The following SLC4A4 variants were observed in gnomAD, a reference collection of about 807,000 sequenced individuals.
The protein encoded by SLC4A4 is solute carrier family 4 member 4.
Under a neutral mutation model 111.5 loss-of-function variants are expected in SLC4A4, and 27 were observed. The observed-to-expected ratio is 0.24, with a 90% confidence interval of 0.18 to 0.33. The LOEUF (loss-of-function observed/expected upper bound fraction) is 0.33. Ranked by LOEUF, SLC4A4 falls within the 10% of genes least tolerant of loss-of-function variation. SLC4A4 has a pLI of 1.00. For synonymous variants in SLC4A4, 443 were observed against 463.4 expected (o/e 0.96, Z 0.57); for missense variants, 909 against 1,315.5 (o/e 0.69, Z 4.78).
chr4:71,426,032 T>C (rs1201717730), intron 7 of SLC4A4, among the ~76,000 whole-genome samples: 2 of 152,112 alleles, frequency 1.3e-5, no homozygotes, highest in Non-Finnish European at 2.9e-5. Context: ...ATCAAAGGAA[T>C]ATATTTTAGG....
intron 2 of SLC4A4, among the ~76,000 whole-genome samples, chr4:71,132,300 T>C (rs572596625): frequency 2.6e-5 from 4 of 152,206 alleles, no homozygotes; most frequent in Admixed American, 6.5e-5. Flanking sequence ...TCCAGACACA[T>C]GTTGACGGGG....
chr4:71,171,159 GTTTTT>G (rs77494120), intron 2 of SLC4A4, among the ~76,000 whole-genome samples: 7 of 148,368 alleles, frequency 4.7e-5, no homozygotes, highest in South Asian at 2.1e-4. Flanking sequence ...TGTTTGTTTT[GTTTTT>G]TTTTTTTTTT....
intron 3 of SLC4A4, among the ~76,000 whole-genome samples, chr4:71,293,748 G>C (rs1724566521): frequency 6.6e-6 from 1 of 152,178 alleles, no homozygotes; most frequent in Admixed American, 6.5e-5. Flanking sequence ...GGTCCAGTTA[G>C]ATAATTCTTT....
intron 1 of SLC4A4, among the ~76,000 whole-genome samples, chr4:71,069,213 T>C (rs1328143815): frequency 6.6e-6 from 1 of 152,240 alleles, no homozygotes; most frequent in African/African-American, 2.4e-5. Flanking sequence ...TGACCAATTC[T>C]GGCTAATGAG....
rs1725951174 is a variant in SLC4A4 at position 71,453,506 on chromosome 4, G to C, written c.1334G>C (p.Gly445Ala). 3.1e-6 allele frequency: 5 copies of C among 1,613,742 alleles called. No individual in the cohort carries two copies. The highest frequency in any genetic ancestry group is 4.2e-6 in the Non-Finnish European group (5 of 1,179,838). ...TTCTCTCTGCCCAGGTTCTGTGGTG[G>C]ACTAATTAAAGACATAAAGAGGAAA... ...ELQRTGRFCGGLIKDIKRKAP... is the reference protein window; with the variant it reads ...ELQRTGRFCGALIKDIKRKAP... The change falls in exon 12 of 26, where the codon GGA (glycine) becomes GCA (alanine). Residue 445 changes from glycine to alanine, a missense_variant. Coordinates refer to ENST00000264485, the MANE Select transcript of SLC4A4 (RefSeq NM_001098484.3).
At chr4:71,163,126 C>T (rs1173711343) in intron 2 of SLC4A4, among the ~76,000 whole-genome samples, 1 of 152,174 alleles carries the variant, frequency 6.6e-6, no homozygotes, top group South Asian at 2.1e-4. Flanking sequence ...ATTATTTGGT[C>T]ACAGGGGTAG....
At chr4:71,347,476 C>T (rs1044110219) in intron 4 of SLC4A4, among the ~76,000 whole-genome samples, 3 of 152,040 alleles carry the variant, frequency 2.0e-5, no homozygotes, top group African/African-American at 7.2e-5. Flanking sequence ...CACATGGCAC[C>T]ATATCATTGT....
chr4:71,398,200 G>C (rs530949334), intron 7 of SLC4A4, among the ~76,000 whole-genome samples: 2 of 150,902 alleles, frequency 1.3e-5, no homozygotes, highest in Non-Finnish European at 2.9e-5. Flanking sequence ...CATGAGAATC[G>C]CTTGAACCCG....
intron 7 of SLC4A4, among the ~76,000 whole-genome samples, chr4:71,422,639 G>T (rs371082483): frequency 2.0e-5 from 3 of 151,694 alleles, no homozygotes; most frequent in African/African-American, 7.3e-5. Flanking sequence ...CTTATCCACC[G>T]TGATCAAGTG....
In SLC4A4 at chr4:71,560,135, T is replaced by C; in HGVS notation, c.2980T>C (p.Phe994Leu). The C allele has an allele frequency of 6.2e-7, 1 of 1,611,406 alleles. No individual in the cohort carries two copies. Among genetic ancestry groups the C allele is most frequent in the Non-Finnish European group, 8.5e-7 (1 of 1,178,104 alleles). The part of the protein sequence containing the change: ...VAVRKGMDYL[F>L]SQHDLSFLDD... The stretch of plus-strand genomic sequence containing the variant: ...TGTCAGAAAAGGCATGGACTACCTC[T>C]TCTCCCAGCACGACCTCAGCTTCCT... The change falls in exon 23 of 26, where the codon TTC becomes CTC. Residue 994 changes from phenylalanine (F) to leucine (L), a missense_variant. Phe to Leu is a conservative substitution (Grantham distance 22, BLOSUM62 0). Coordinates refer to ENST00000264485, the MANE Select transcript of SLC4A4 (RefSeq NM_001098484.3).
At chr4:71,426,367 C>A (rs1003995813) in intron 7 of SLC4A4, among the ~76,000 whole-genome samples, 1 of 152,068 alleles carries the variant, frequency 6.6e-6, no homozygotes, top group Non-Finnish European at 1.5e-5. Flanking sequence ...ATACTCGAAA[C>A]ACAGCTGGTG....
intron 7 of SLC4A4, among the ~76,000 whole-genome samples, chr4:71,405,809 C>G (rs907681790): frequency 2.6e-5 from 4 of 152,152 alleles, no homozygotes; most frequent in Non-Finnish European, 5.9e-5. Context: ...CATTTGCCTC[C>G]CAGCTCACTT....
chr4:71,445,595 G>T (rs1470742404), intron 8 of SLC4A4, among the ~76,000 whole-genome samples: 1 of 152,112 alleles, frequency 6.6e-6, no homozygotes, highest in African/African-American at 2.4e-5. Context: ...TAAGGATCCA[G>T]GTGTTAGATA....
chr4:71,407,356 GAA>G (rs36110550), intron 7 of SLC4A4, among the ~76,000 whole-genome samples: 1 of 152,098 alleles, frequency 6.6e-6, no homozygotes, highest in Non-Finnish European at 1.5e-5. Flanking sequence ...GAAGGTCAGT[GAA>G]AAAAGACTGA....
chr4:71,273,417 C>A (rs762996958), intron 3 of SLC4A4, among the ~76,000 whole-genome samples: 1 of 152,124 alleles, frequency 6.6e-6, no homozygotes, highest in Non-Finnish European at 1.5e-5. Flanking sequence ...AGACCATTCC[C>A]GACCACCCTA....
chr4:71,548,643 A>G (rs1462959786), intron 20 of SLC4A4, among the ~76,000 whole-genome samples: 1 of 151,964 alleles, frequency 6.6e-6, no homozygotes, highest in African/African-American at 2.4e-5. Context: ...ATATCCTTCC[A>G]AATTTTCTCT....
intron 16 of SLC4A4, among the ~76,000 whole-genome samples, chr4:71,520,207 T>C (rs113775607): frequency 6.6e-6 from 1 of 152,334 alleles, no homozygotes; most frequent in Non-Finnish European, 1.5e-5. Context: ...CTCAAAATGC[T>C]CATGTTGAGT....
chr4:71,472,648 CT>C, intron 13 of SLC4A4, 50 bp from the exon 14 acceptor site: 1 of 1,566,880 alleles, frequency 6.4e-7, no homozygotes, highest in Non-Finnish European at 8.8e-7. Flanking sequence ...TTATATTATT[CT>C]TTGTGTTCCA....
At chr4:71,404,949 C>G (rs1720708037) in intron 7 of SLC4A4, among the ~76,000 whole-genome samples, 2 of 151,908 alleles carry the variant, frequency 1.3e-5, no homozygotes, top group Non-Finnish European at 2.9e-5. Context: ...GTGCACACCA[C>G]CATACCCAGC....
Sources: gnomAD v4.1 joint callset for allele counts (sites outside exome capture counted in the v4.1 genomes callset) on GRCh38, gnomAD v4.1.1 for gene constraint, MANE v1.5 for transcripts, NCBI Gene and HGNC (gene_info 2026-07-23, HGNC 2026-07-21) for gene names.